CDH19: variants seen among roughly 807,000 people sequenced by gnomAD.
CDH19 encodes cadherin-19.
Under a neutral mutation model 64.2 loss-of-function variants are expected in CDH19, and 67 were observed. The ratio of observed to expected loss-of-function variants is 1.04; its 90% CI spans 0.86 to 1.28. The LOEUF (loss-of-function observed/expected upper bound fraction) is 1.28. Ranked by LOEUF, CDH19 falls within the 50% of genes most tolerant of loss-of-function variation. CDH19 has a pLI of 0.00. For missense variants in CDH19, 1,030 were observed against 929.0 expected (o/e 1.11, Z -1.41); for synonymous variants, 346 against 319.3 (o/e 1.08, Z -0.89).
Position 66,529,856 on chromosome 18 carries a change from C to T in CDH19, c.1447G>A (p.Gly483Ser), listed in dbSNP as rs1335697675. Residue 483 changes from glycine (G) to serine (S), a missense_variant, in exon 9 of 12, where the codon GGC (glycine) becomes AGC (serine). Gly to Ser is a moderately conservative substitution (Grantham distance 56). Transcript: ENST00000262150. Reference sequence around the variant, plus strand: ...TAATGAGTCCTTACCTGACCAGAGCCTGCATTTTCACAAACATAAGTCTCA... The same window carrying T: ...TAATGAGTCCTTACCTGACCAGAGCTTGCATTTTCACAAACATAAGTCTCA... ...YYETYVCENA[G>S]SGQVIQTISA... is the part of the protein sequence containing the mutation. 6.3e-7 allele frequency: 1 copy of T among 1,591,290 alleles called. No homozygotes were observed. Among genetic ancestry groups the T allele is most frequent in the East Asian group, 2.3e-5 (1 of 43,580 alleles).
intron 8 of CDH19, among the ~76,000 whole-genome samples, chr18:66,530,959 G>A (rs1344028065): frequency 3.9e-5 from 6 of 152,078 alleles, no homozygotes; most frequent in African/African-American, 7.2e-5. Flanking sequence ...GTGGAGACAC[G>A]CCGCGTTATC....
At chr18:66,513,690 T>C (rs1429228406) in intron 9 of CDH19, among the ~76,000 whole-genome samples, 8 of 151,500 alleles carry the variant, frequency 5.3e-5, no homozygotes, top group African/African-American at 9.7e-5. Flanking sequence ...TATTTACTTA[T>C]ATCTCTTTAT....
chr18:66,572,747 C>A (rs1988144931), intron 1 of CDH19, among the ~76,000 whole-genome samples: 1 of 151,710 alleles, frequency 6.6e-6, no homozygotes, highest in Non-Finnish European at 1.5e-5. Flanking sequence ...TAAGCTTCCT[C>A]ATCCAATTTC....
chr18:66,554,718 T>C (rs1315490223), intron 3 of CDH19, among the ~76,000 whole-genome samples, 194 bp from the exon 4 acceptor site: 1 of 151,912 alleles, frequency 6.6e-6, no homozygotes, highest in East Asian at 1.9e-4. Flanking sequence ...GAATATAACT[T>C]TTAATACAAA....
intron 9 of CDH19, among the ~76,000 whole-genome samples, chr18:66,522,276 C>T (rs1986029127): frequency 6.8e-6 from 1 of 147,962 alleles, no homozygotes; most frequent in Non-Finnish European, 1.5e-5. Context: ...GAGTTTCACT[C>T]TTGTTACCCA....
intron 9 of CDH19, among the ~76,000 whole-genome samples, chr18:66,515,306 C>T (rs1263442497): frequency 2.0e-5 from 3 of 151,566 alleles, no homozygotes; most frequent in Non-Finnish European, 4.4e-5. Flanking sequence ...TGTATGAGAC[C>T]ATCACTTTTT....
At position 66,521,564 on chromosome 18, in the gene CDH19, G is replaced by A. The variant is rs541189919; in HGVS notation, c.1458+8281C>T. 3.4e-5 allele frequency among the ~76,000 whole-genome samples: 5 copies of A among 147,396 alleles called. No individual in the cohort carries two copies. In the East Asian group the frequency reaches 1.0e-3, roughly 30 times the overall value. On this transcript the variant is annotated intron_variant, in intron 9 of 11. Transcript: ENST00000262150. ...GTTTGTTTATTTGTTTTTGAGACAT[G>A]TCCTCACTCTGTCCAGGCTAGACTG... is the stretch of plus-strand genomic sequence containing the variant.
At chr18:66,545,413 C>CTTCT (rs372988325) in intron 5 of CDH19, among the ~76,000 whole-genome samples, 12 of 132,906 alleles carry the variant, frequency 9.0e-5, no homozygotes, top group Non-Finnish European at 1.5e-4. Flanking sequence ...TCCTTCCTTC[C>CTTCT]TTCTTTCCTT....
At chr18:66,593,195 TAAA>T (rs1156366018) in intron 1 of CDH19, among the ~76,000 whole-genome samples, 1 of 151,910 alleles carries the variant, frequency 6.6e-6, no homozygotes. Context: ...CCTTAGTTCA[TAAA>T]TTCTTGTTAT....
intron 1 of CDH19, among the ~76,000 whole-genome samples, chr18:66,590,743 G>T (rs1203429192): frequency 1.3e-5 from 2 of 151,884 alleles, no homozygotes; most frequent in Non-Finnish European, 2.9e-5. Flanking sequence ...AAATGCAAAA[G>T]AATGAAGTAA....
At chr18:66,593,627 A>G (rs1988805032) in intron 1 of CDH19, among the ~76,000 whole-genome samples, 1 of 152,046 alleles carries the variant, frequency 6.6e-6, no homozygotes, top group Non-Finnish European at 1.5e-5. Context: ...AAATATATAT[A>G]TTTTCTAATT....
At chr18:66,584,794 A>G (rs2144611772) in intron 1 of CDH19, among the ~76,000 whole-genome samples, 1 of 152,184 alleles carries the variant, frequency 6.6e-6, no homozygotes, top group African/African-American at 2.4e-5. Context: ...AAACCTGTAC[A>G]ATATTTTCAT....
chr18:66,547,640 G>C (rs1169634605), intron 5 of CDH19, among the ~76,000 whole-genome samples: 1 of 145,946 alleles, frequency 6.9e-6, no homozygotes, highest in East Asian at 2.1e-4. Flanking sequence ...GGAATCAGGA[G>C]TTCAGTTAAG....
chr18:66,546,840 AAG>A (rs199727262), intron 5 of CDH19, among the ~76,000 whole-genome samples: 13 of 151,832 alleles, frequency 8.6e-5, no homozygotes, highest in African/African-American at 3.2e-4. Context: ...GTTCTGGGAA[AAG>A]AGAGGATAAT....
rs533602200 is a variant in CDH19 at position 66,581,772 on chromosome 18, C to T, written c.-112-9456G>A. On this transcript the variant is annotated intron_variant, in intron 1 of 11. Transcript: ENST00000262150. ...GGATTGAGCGACTACTGGCTTCCTA[C>T]CTCCTCAGCTTGCAGAGGGCCTATC... 1.5e-4 allele frequency among the ~76,000 whole-genome samples: 23 copies of T among 152,182 alleles called. 1 individual carries two copies. The South Asian group carries it at 4.6e-3, about 30-fold the overall frequency.
intron 7 of CDH19, 75 bp downstream of exon 7, chr18:66,543,896 A>G (rs1394983367): frequency 1.2e-5 from 13 of 1,119,590 alleles, no homozygotes; most frequent in Non-Finnish European, 1.4e-5. Flanking sequence ...TAAAAAAAAG[A>G]TTGCATGCAA....
intron 1 of CDH19, among the ~76,000 whole-genome samples, chr18:66,579,379 A>C (rs190549832): frequency 5.3e-5 from 8 of 152,188 alleles, no homozygotes; most frequent in Non-Finnish European, 1.0e-4. Flanking sequence ...AAACAAAGTA[A>C]AAGGAAACAA....
chr18:66,597,369 T>C (rs1988927647), intron 1 of CDH19, among the ~76,000 whole-genome samples: 2 of 151,932 alleles, frequency 1.3e-5, no homozygotes, highest in South Asian at 2.1e-4. Context: ...AGGACTCCTT[T>C]TAAATAAGTG....
chr18:66,585,391 G>A (rs1217295407), intron 1 of CDH19, among the ~76,000 whole-genome samples: 1 of 152,002 alleles, frequency 6.6e-6, no homozygotes, highest in African/African-American at 2.4e-5. Context: ...TAGCACATGT[G>A]GAGCAAGGAT....
Sources: allele counts gnomAD v4.1 joint callset (sites outside exome capture counted in the v4.1 genomes callset), GRCh38; gene constraint gnomAD v4.1.1; transcripts MANE v1.5; gene names NCBI Gene and HGNC (gene_info 2026-07-23, HGNC 2026-07-21).